The following MIB1 variants were observed in gnomAD, a reference collection of about 807,000 sequenced individuals.
MIB1 encodes the protein MIB E3 ubiquitin protein ligase 1.
In MIB1, 278 loss-of-function variants were observed where a neutral mutation model predicts 124.5. The ratio of observed to expected loss-of-function variants is 2.23; its 90% CI spans 2.02 to 2.47. The LOEUF is 2.47. MIB1 is among the 30% of genes most tolerant of loss of function. The pLI is 0.00. For missense variants in MIB1, 957 were observed against 1,254.4 expected, an observed-to-expected ratio of 0.76 and a Z score of 3.58; for synonymous variants, 446 against 429.4, an observed-to-expected ratio of 1.04 and a Z score of -0.48.
chr18:21,768,241 GA>G (rs1162866884), intron 2 of MIB1, among the ~76,000 whole-genome samples: 1 of 152,142 alleles, frequency 6.6e-6, no homozygotes, highest in African/African-American at 2.4e-5. Flanking sequence ...ATCATATGTG[GA>G]GTCCATTACA....
rs2041151181 is a variant in MIB1 at position 21,765,832 on chromosome 18, G to A, written c.290G>A (p.Arg97Gln). The A allele has an allele frequency of 1.2e-6, 2 of 1,614,030 alleles. No individual in the cohort carries two copies. Among genetic ancestry groups the A allele is most frequent in the Non-Finnish European group, 8.5e-7 (1 of 1,180,022 alleles). ...CGCCAGCAACCAATCATTGGCATTC[G>A]ATGGAAGTGTGCAGAGTGTACAAAT... is the stretch of plus-strand genomic sequence containing the variant. ...TCRQQPIIGI[R>Q]WKCAECTNYD... Residue 97 changes from arginine (R) to glutamine (Q), a missense_variant, in exon 2 of 21, where the codon CGA becomes CAA. By Grantham distance (43) the Arg-to-Gln change is conservative. Coordinates refer to ENST00000261537, the MANE Select transcript of MIB1 (RefSeq NM_020774.4).
At chr18:21,783,864 A>G (rs921621698) in intron 6 of MIB1, among the ~76,000 whole-genome samples, 1 of 151,970 alleles carries the variant, frequency 6.6e-6, no homozygotes, top group Non-Finnish European at 1.5e-5. Flanking sequence ...CTTCCACTTT[A>G]GCCTTCCAAG....
At position 21,770,468 on chromosome 18, in the gene MIB1, G is replaced by A. The variant is rs1400886637; in HGVS notation, c.531+1716G>A. 2.6e-5 allele frequency among the ~76,000 whole-genome samples: 4 copies of A among 152,078 alleles called. No homozygotes were observed. In the East Asian group the frequency reaches 5.8e-4, roughly 22 times the overall value. On this transcript the variant is annotated intron_variant, in intron 3 of 20. Transcript: ENST00000261537. ...ATGTAACCCACGTTAATTGTATGTAGTGTATTCTTCCTTTTTGTTTTTCTA... is the reference window on the plus strand; with the variant it reads ...ATGTAACCCACGTTAATTGTATGTAATGTATTCTTCCTTTTTGTTTTTCTA...
At chr18:21,792,504 T>A (rs1363968869) in intron 7 of MIB1, among the ~76,000 whole-genome samples, 1 of 152,162 alleles carries the variant, frequency 6.6e-6, no homozygotes, top group Non-Finnish European at 1.5e-5. Context: ...AGCCCTTCTG[T>A]CCTTTCTGCC....
intron 1 of MIB1, among the ~76,000 whole-genome samples, chr18:21,716,865 C>T (rs549816771): frequency 2.2e-4 from 33 of 151,980 alleles, no homozygotes; most frequent in African/African-American, 7.7e-4. Context: ...AAAAAAAGCT[C>T]CACTTAAAGG....
chr18:21,778,793 AT>A (rs970939931), intron 5 of MIB1, among the ~76,000 whole-genome samples: 3 of 151,068 alleles, frequency 2.0e-5, no homozygotes, highest in East Asian at 1.9e-4. Context: ...GTATACCTTA[AT>A]TTTTTTTTAA....
chr18:21,728,597 C>G (rs191468546), intron 1 of MIB1, among the ~76,000 whole-genome samples: 1 of 152,210 alleles, frequency 6.6e-6, no homozygotes, highest in Non-Finnish European at 1.5e-5. Flanking sequence ...GGATATCAGA[C>G]AGAAATTGCA....
chr18:21,824,502 C>T (rs576583515), intron 12 of MIB1, among the ~76,000 whole-genome samples: 14 of 152,178 alleles, frequency 9.2e-5, no homozygotes, highest in East Asian at 3.9e-4. Context: ...TGAGTCTATT[C>T]GGTAATAGGA....
intron 6 of MIB1, among the ~76,000 whole-genome samples, chr18:21,783,728 T>A (rs1025326627): frequency 6.6e-6 from 1 of 152,068 alleles, no homozygotes; most frequent in South Asian, 2.1e-4. Context: ...TACGTTTTAA[T>A]GTGTTTTTTA....
intron 11 of MIB1, chr18:21,817,722 C>T (rs112616195): frequency 0.018 from 7,749 of 432,484 alleles, 123 homozygotes; most frequent in East Asian, 0.074. Flanking sequence ...TCCCTTTCCT[C>T]AGTGTTGGAG....
rs1568225584 is a variant in MIB1 at position 21,847,083 on chromosome 18, ATC to A, written c.2355_2356del (p.Cys786GlnfsTer8). 6 of 1,614,176 alleles carry A rather than the reference ATC, an allele frequency of 3.7e-6. No individual in the cohort carries two copies. The highest frequency in any genetic ancestry group is 5.1e-6 in the Non-Finnish European group (6 of 1,180,018). ...CCACTTGATCTCTGTCCTGATCCGA[ATC>A]TCTGCAAAGCACTGGCAAAGTGTCA... On this transcript the variant is annotated frameshift_variant, in exon 16 of 21. Transcript: ENST00000261537. LOFTEE classifies it high-confidence loss of function.
intron 1 of MIB1, among the ~76,000 whole-genome samples, chr18:21,706,568 G>A (rs1417209398): frequency 1.3e-5 from 2 of 152,188 alleles, no homozygotes; most frequent in Non-Finnish European, 2.9e-5. Context: ...ACGGGCCAGC[G>A]GGAGTTCCGG....
In MIB1 at chr18:21,740,838, T is replaced by C. The variant is rs1332377431; in HGVS notation, c.-746T>C. Among the ~76,000 whole-genome samples, 2 of 152,348 alleles carry C rather than the reference T, an allele frequency of 1.3e-5. No individual in the cohort carries two copies. Among genetic ancestry groups the C allele is most frequent in the Admixed American group, 1.3e-4 (2 of 15,310 alleles). On this transcript the variant is annotated 5_prime_UTR_variant, in exon 1 of 21. Transcript: ENST00000261537. The stretch of plus-strand genomic sequence containing the variant: ...TAGGGATCAGTTTTCTCCTCCTTTC[T>C]TCCCGCGATCGCGCGGCTCTCTGGA...
intron 1 of MIB1, among the ~76,000 whole-genome samples, chr18:21,749,091 C>T (rs1401860311): frequency 6.6e-6 from 1 of 151,970 alleles, no homozygotes; most frequent in African/African-American, 2.4e-5. Flanking sequence ...TTACTGTATA[C>T]ATAGTTTGTT....
chr18:21,858,646 G>T lies in MIB1; in HGVS notation c.2880G>T (p.Gln960His). 1 of 1,495,144 alleles carries T rather than the reference G, an allele frequency of 6.7e-7. No individual in the cohort carries two copies. Among genetic ancestry groups the T allele is most frequent in the Non-Finnish European group, 9.3e-7 (1 of 1,073,340 alleles). 92.6% of individuals were successfully genotyped at this position (1,495,144 alleles called of 1,614,324 possible). A position where few individuals can be genotyped will look rare whatever the true frequency, so the allele number is the denominator to read the frequency against. Reference protein sequence around the residue: ...LQQQLQDIKEQTMCPVCLDRL... With the variant: ...LQQQLQDIKEHTMCPVCLDRL... ...AACAGTTACAAGACATTAAAGAGCA[G>T]GTAATAATGATTTCATGTAAACAGT... The change falls in exon 20 of 21, where the codon CAG becomes CAT. Residue 960 changes from glutamine (Q) to histidine (H), a missense_variant and splice_region_variant. Coordinates refer to ENST00000261537, the MANE Select transcript of MIB1 (RefSeq NM_020774.4).
At chr18:21,846,898 T>C in intron 15 of MIB1, 46 bp from the exon 16 acceptor site, 1 of 1,569,462 alleles carries the variant, frequency 6.4e-7, no homozygotes. Context: ...CAAGAATTGA[T>C]GGCAGATTCC....
chr18:21,859,212 C>T (rs1309976118), intron 20 of MIB1, among the ~76,000 whole-genome samples: 2 of 151,934 alleles, frequency 1.3e-5, no homozygotes, highest in African/African-American at 4.8e-5. Context: ...GAGTTCAAGA[C>T]CAGCCCGCAC....
chr18:21,718,555 A>G (rs992853927), intron 1 of MIB1, among the ~76,000 whole-genome samples: 1 of 152,230 alleles, frequency 6.6e-6, no homozygotes, highest in Admixed American at 6.5e-5. Context: ...TCTGACTGCA[A>G]ACACACAAGA....
At chr18:21,816,633 G>A (rs780117030) in intron 11 of MIB1, among the ~76,000 whole-genome samples, 6 of 152,194 alleles carry the variant, frequency 3.9e-5, no homozygotes, top group Non-Finnish European at 8.8e-5. Context: ...TAGGGCAGTG[G>A]TTAGAATCAT....
Sources: gnomAD v4.1 joint callset for allele counts (sites outside exome capture counted in the v4.1 genomes callset) on GRCh38, gnomAD v4.1.1 for gene constraint, MANE v1.5 for transcripts, NCBI Gene and HGNC (gene_info 2026-07-23, HGNC 2026-07-21) for gene names.